The following ZIK1 variants were observed in gnomAD, a reference collection of about 807,000 sequenced individuals.
ZIK1 encodes zinc finger protein interacting with ribonucleoprotein K.
A neutral mutation model predicts 10.7 loss-of-function variants in ZIK1; 12 were observed. The observed-to-expected ratio is 1.12, with a 90% CI of 0.72 to 1.81. ZIK1 has a LOEUF of 1.81. Among genes scored for constraint, ZIK1 ranks in the 40% most tolerant of loss-of-function variants. ZIK1 has a pLI of 0.00. For synonymous variants in ZIK1, 190 were observed against 205.0 expected (o/e 0.93, Z 0.63); for missense variants, 497 against 585.7 (o/e 0.85, Z 1.56).
Position 57,584,230 on chromosome 19 carries a change from G to C in ZIK1, c.-127G>C. On this transcript the variant is annotated 5_prime_UTR_variant, in exon 1 of 4. Transcript: ENST00000597850. ...TTGTTTGGCGACAGTCGGAAGGCGC[G>C]AGGGGAGGGGTCCTCCCGCTGAACA... The C allele has an allele frequency of 7.0e-7, 1 of 1,438,606 alleles. No homozygotes were observed. The allele number at this position is 1,438,606 out of a possible 1,614,324, so 89.1% of individuals were successfully genotyped here.
rs778689750 is a variant in ZIK1, at chr19:57,591,091, G to T, written c.1280G>T (p.Arg427Ile). 6.2e-7 allele frequency: 1 copy of T among 1,613,368 alleles called. No individual in the cohort carries two copies. ...AGCTCCATCCTTATTCAACACCGGA[G>T]AATTCATACTGGAGCAAGGCCTTAT... ...SQSSILIQHR[R>I]IHTGARPYEC... The change falls in exon 4 of 4, where the codon AGA becomes ATA. Residue 427 changes from arginine to isoleucine, a missense_variant. By Grantham distance (97) the Arg-to-Ile change is moderately conservative (BLOSUM62 -3). Transcript: ENST00000597850.
intron 2 of ZIK1, among the ~76,000 whole-genome samples, chr19:57,586,015 G>A (rs1979124257): frequency 1.3e-5 from 2 of 151,820 alleles, no homozygotes. Flanking sequence ...TTACAGGCGT[G>A]AGCCACCATG....
At chr19:57,589,142 A>T in intron 3 of ZIK1, 1 of 360,960 alleles carries the variant, frequency 2.8e-6, no homozygotes, top group Non-Finnish European at 3.9e-6. Flanking sequence ...GTTCTGCATC[A>T]GTGCTGATCA....
chr19:57,584,188 A>G lies in ZIK1; in HGVS notation c.-169A>G, dbSNP rs779799495. 57 of 1,314,570 alleles carry G rather than the reference A, an allele frequency of 4.3e-5. No individual in the cohort carries two copies. Among genetic ancestry groups the G allele is most frequent in the Admixed American group, 5.5e-5 (2 of 36,178 alleles). The allele number at this position is 1,314,570 out of a possible 1,614,324, so 81.4% of individuals were successfully genotyped here. Reference sequence around the variant, plus strand: ...AGCGCTTGGGTGCATCCAGACCGTCAGAGCTTTGGGAGCGCTTTGTTTGGC... The same window carrying G: ...AGCGCTTGGGTGCATCCAGACCGTCGGAGCTTTGGGAGCGCTTTGTTTGGC... On this transcript the variant is annotated 5_prime_UTR_variant, in exon 1 of 4. Transcript: ENST00000597850.
Position 57,584,379 on chromosome 19 carries a change from C to A in ZIK1, c.23C>A (p.Ala8Asp), listed in dbSNP as rs1340860523. 1 of 1,607,018 alleles carries A rather than the reference C, an allele frequency of 6.2e-7. No individual in the cohort carries two copies. The highest frequency in any genetic ancestry group is 2.2e-5 in the East Asian group (1 of 44,638). The change falls in exon 1 of 4, where the codon GCC becomes GAC. Residue 8 changes from alanine (A) to aspartate (D), a missense_variant. By Grantham distance (126) the Ala-to-Asp change is moderately radical. Coordinates refer to ENST00000597850, the MANE Select transcript of ZIK1 (RefSeq NM_001010879.4). MAAAALRAPTQVTVSPET... is the reference protein window; with the variant it reads MAAAALRDPTQVTVSPET... ...CCGATGGCTGCGGCCGCGCTGAGGG[C>A]CCCGACTCAGGTGAGCGCTGCCTCT...
At position 57,588,572 on chromosome 19, in the gene ZIK1, T is replaced by C. The variant is rs2123422767; in HGVS notation, c.106T>C (p.Phe36Leu). The stretch of plus-strand genomic sequence containing the variant: ...GACCTTTGAGGACATCGCCATTTAC[T>C]TCTCACAGGACGAGTGGGGACTTCT... The part of the protein sequence containing the change: ...CVTFEDIAIY[F>L]SQDEWGLLDE... Residue 36 changes from phenylalanine to leucine, a missense_variant, in exon 3 of 4, where the codon TTC becomes CTC. Phe to Leu is a conservative substitution (Grantham distance 22). Transcript: ENST00000597850. 1.9e-6 allele frequency: 3 copies of C among 1,577,646 alleles called. No homozygotes were observed. The highest frequency in any genetic ancestry group is 2.6e-6 in the Non-Finnish European group (3 of 1,158,616).
At chr19:57,588,099 C>G (rs552859702) in intron 2 of ZIK1, among the ~76,000 whole-genome samples, 5 of 152,150 alleles carry the variant, frequency 3.3e-5, no homozygotes, top group Admixed American at 1.3e-4. Flanking sequence ...CTGTGTAGCA[C>G]TGGATGATGT....
In ZIK1 at chr19:57,590,505, G is replaced by T. The variant is rs780053435; in HGVS notation, c.694G>T (p.Val232Phe). 56 of 1,613,332 alleles carry T rather than the reference G, an allele frequency of 3.5e-5. No individual in the cohort carries two copies. Among genetic ancestry groups the T allele is most frequent in the South Asian group, 1.2e-4 (11 of 91,048 alleles). ...ACACACTCCTGTTTACCATCCAAGA[G>T]TCTACACTGGAAAAAAGCTTTATGA... ...HKHTPVYHPR[V>F]YTGKKLYECS... is the part of the protein sequence containing the mutation. The change falls in exon 4 of 4, where the codon GTC becomes TTC. Residue 232 changes from valine to phenylalanine, a missense_variant. By Grantham distance (50) the Val-to-Phe change is conservative (BLOSUM62 -1). Transcript: ENST00000597850.
At chr19:57,585,167 G>A (rs1979028875) in intron 2 of ZIK1, among the ~76,000 whole-genome samples, 177 bp downstream of exon 2, 1 of 152,220 alleles carries the variant, frequency 6.6e-6, no homozygotes, top group East Asian at 1.9e-4. Flanking sequence ...GGCAGACAAT[G>A]GAATGAGGTG....
intron 3 of ZIK1, 89 bp from the exon 4 acceptor site, chr19:57,589,921 TG>T: frequency 6.9e-7 from 1 of 1,445,000 alleles, no homozygotes; most frequent in Non-Finnish European, 9.3e-7. Flanking sequence ...AAAACAAACC[TG>T]GTGAATCATT....
rs59607792 is a variant in ZIK1, at chr19:57,585,883, A to ATTTTTTTTTTT, written c.72+904_72+914dup. 6.1e-5 allele frequency among the ~76,000 whole-genome samples: 8 copies of ATTTTTTTTTTT among 130,112 alleles called. No individual in the cohort carries two copies. In the East Asian group the frequency reaches 6.7e-4, roughly 11 times the overall value. 85.4% of individuals were successfully genotyped at this position (130,112 alleles called of 152,430 possible). On this transcript the variant is annotated intron_variant, in intron 2 of 3. Coordinates refer to ENST00000597850, the MANE Select transcript of ZIK1 (RefSeq NM_001010879.4). Reference sequence around the variant, plus strand: ...GCTACCGTGCTACCATGCCCAGCGAATTTTTTTTTTTTTTTTTTTTTGTAT... The same window carrying ATTTTTTTTTTT: ...GCTACCGTGCTACCATGCCCAGCGAATTTTTTTTTTTTTTTTTTTTTTTTTTTTTTTTGTAT...
chr19:57,589,737 G>A, intron 3 of ZIK1: 1 of 978,846 alleles, frequency 1.0e-6, no homozygotes, highest in Non-Finnish European at 1.2e-6. Flanking sequence ...GGCTACTCAA[G>A]GATAATTTTT....
chr19:57,590,833 A>G lies in ZIK1; in HGVS notation c.1022A>G (p.His341Arg), dbSNP rs1483646381. Reference protein sequence around the residue: ...SFSQKATLVKHQRVHTGERPY... With the variant: ...SFSQKATLVKRQRVHTGERPY... ...AGCCAAAAAGCCACCCTTGTTAAAC[A>G]CCAAAGAGTTCACACTGGAGAAAGG... The change falls in exon 4 of 4, where the codon CAC (histidine) becomes CGC (arginine). Residue 341 changes from histidine to arginine, a missense_variant. Transcript: ENST00000597850. The G allele has an allele frequency of 4.3e-6, 7 of 1,614,150 alleles. No homozygotes were observed. Among genetic ancestry groups the G allele is most frequent in the Non-Finnish European group, 5.9e-6 (7 of 1,180,022 alleles).
In ZIK1 at chr19:57,584,306, C is replaced by G. The variant is rs1248026524; in HGVS notation, c.-51C>G. On this transcript the variant is annotated 5_prime_UTR_variant, in exon 1 of 4. Coordinates refer to ENST00000597850, the MANE Select transcript of ZIK1 (RefSeq NM_001010879.4). ...GCGGGGTTGACGGCTTTGCCTAGGT[C>G]CCTCCGCCCGTAGCTGTCGGGTCCC... The G allele has an allele frequency of 6.4e-6, 10 of 1,553,174 alleles. No individual in the cohort carries two copies. The East Asian group carries it at 1.4e-4, about 23-fold the overall frequency.
Position 57,590,961 on chromosome 19 carries a change from T to C in ZIK1, c.1150T>C (p.Cys384Arg). The change falls in exon 4 of 4, where the codon TGT (cysteine) becomes CGT (arginine). Residue 384 changes from cysteine (C) to arginine (R), a missense_variant. Physicochemically the swap from Cys to Arg is radical, Grantham distance 180 (BLOSUM62 -3). Transcript: ENST00000597850. ...TGAKPYECGQCGKSFSQKATL... is the reference protein window; with the variant it reads ...TGAKPYECGQRGKSFSQKATL... The stretch of plus-strand genomic sequence containing the variant: ...AGCAAAGCCTTATGAGTGTGGCCAG[T>C]GTGGGAAATCCTTTAGTCAAAAAGC... The C allele has an allele frequency of 6.2e-7, 1 of 1,614,126 alleles. No individual in the cohort carries two copies. The highest frequency in any genetic ancestry group is 8.5e-7 in the Non-Finnish European group (1 of 1,180,002).
chr19:57,589,544 C>G, intron 3 of ZIK1: 1 of 985,440 alleles, frequency 1.0e-6, no homozygotes, highest in South Asian at 4.7e-5. Context: ...CATTGACACA[C>G]ACATAATGTC....
rs1272587381 is a variant in ZIK1 at position 57,590,023 on chromosome 19, G to A, written c.212G>A (p.Gly71Glu). ...ALVASLGCGH[G>E]TEDEETPSDQ... Reference sequence around the variant, plus strand: ...TCTCTGCTTTCAGGTTGTGGCCATGGAACAGAGGATGAAGAGACACCTTCT... The same window carrying A: ...TCTCTGCTTTCAGGTTGTGGCCATGAAACAGAGGATGAAGAGACACCTTCT... The change falls in exon 4 of 4, where the codon GGA becomes GAA. Residue 71 changes from glycine (G) to glutamate (E), a missense_variant. By Grantham distance (98) the Gly-to-Glu change is moderately conservative (BLOSUM62 -2). Coordinates refer to ENST00000597850, the MANE Select transcript of ZIK1 (RefSeq NM_001010879.4). The A allele has an allele frequency of 6.2e-7, 1 of 1,613,070 alleles. No individual in the cohort carries two copies. The highest frequency in any genetic ancestry group is 8.5e-7 in the Non-Finnish European group (1 of 1,179,188).
rs1979882114 is a variant in ZIK1, at chr19:57,593,502, T to TATGC, written c.*2227_*2228insATGC. Reference sequence around the variant, plus strand: ...GCTACTATGAACATAGGCATATAACTCTTAATATGCAGAAATGCTTTATTT... The same window carrying TATGC: ...GCTACTATGAACATAGGCATATAACTATGCCTTAATATGCAGAAATGCTTTATTT... On this transcript the variant is annotated 3_prime_UTR_variant, in exon 4 of 4. Transcript: ENST00000597850. 1 of 152,160 alleles carries TATGC rather than the reference T, an allele frequency of 6.6e-6. No individual in the cohort carries two copies. Among genetic ancestry groups the TATGC allele is most frequent in the Non-Finnish European group, 1.5e-5 (1 of 68,038 alleles). The allele number at this position is 152,160 out of a possible 1,614,324, so 9.4% of individuals were successfully genotyped here. A position where few individuals can be genotyped will look rare whatever the true frequency, so the allele number is the denominator to read the frequency against.
chr19:57,590,011 G>T lies in ZIK1; in HGVS notation c.200G>T (p.Gly67Val), dbSNP rs139292629. The change falls in exon 4 of 4, where the codon GGT becomes GTT. Residue 67 changes from glycine (G) to valine (V), a missense_variant and splice_region_variant. Gly to Val is a moderately radical substitution (Grantham distance 109). Transcript: ENST00000597850. ...TTCATCAGCGGTTCTCTGCTTTCAG[G>T]TTGTGGCCATGGAACAGAGGATGAA... ...LENFALVASL[G>V]CGHGTEDEET... is the part of the protein sequence containing the mutation. 2.5e-6 allele frequency: 4 copies of T among 1,611,276 alleles called. No homozygotes were observed. Among genetic ancestry groups the T allele is most frequent in the Middle Eastern group, 1.7e-4 (1 of 6,048 alleles).
Sources: gnomAD v4.1 joint callset for allele counts (sites outside exome capture counted in the v4.1 genomes callset) on GRCh38, gnomAD v4.1.1 for gene constraint, MANE v1.5 for transcripts, NCBI Gene and HGNC (gene_info 2026-07-23, HGNC 2026-07-21) for gene names.